The following H2BC5 variants were observed in gnomAD, a reference collection of about 807,000 sequenced individuals.
H2BC5 encodes the protein histone H2B type 1-D.
In H2BC5, 9 loss-of-function variants were observed where a neutral mutation model predicts 5.7. The observed-to-expected ratio is 1.57, with a 90% confidence interval of 0.95 to 2.74. The LOEUF (loss-of-function observed/expected upper bound fraction) is 2.74, where lower values mean the gene tolerates loss of function less well. H2BC5 is among the 30% of genes most tolerant of loss of function. H2BC5 has a pLI of 0.00. For missense variants in H2BC5, 175 were observed against 168.8 expected, an observed-to-expected ratio of 1.04 and a Z score of -0.20; for synonymous variants, 133 against 70.9, an observed-to-expected ratio of 1.88 and a Z score of -4.40.
intron 1 of H2BC5, chr6:26,164,235 C>A: frequency 2.8e-6 from 1 of 359,398 alleles, no homozygotes; most frequent in Non-Finnish European, 5.7e-6. Context: ...AGCAGACCTG[C>A]CACCATGATC....
At chr6:26,165,701 G>A (rs1435735002) in intron 1 of H2BC5, among the ~76,000 whole-genome samples, 1 of 152,150 alleles carries the variant, frequency 6.6e-6, no homozygotes, top group African/African-American at 2.4e-5. Context: ...AGGAGGCTCT[G>A]TCTCTCTTAA....
downstream of H2BC5, among the ~76,000 whole-genome samples, chr6:26,159,468 G>A (rs1387317143): frequency 2.0e-5 from 3 of 152,056 alleles, no homozygotes; most frequent in African/African-American, 7.2e-5. Context: ...CCTTCTGGCA[G>A]GATGTAGCTT....
At position 26,166,494 on chromosome 6, in the gene H2BC5, A is replaced by C. The variant is rs76558272; in HGVS notation, c.*10-4481A>C. ...CCACAGAAACTTCATTGTTTTTCCT[A>C]TGCTGCTTCTGGGGGCACAAAGAAG... On this transcript the variant is annotated intron_variant, in intron 1 of 1. Transcript: ENST00000289316. Among the ~76,000 whole-genome samples, 407 of 151,956 alleles carry C rather than the reference A, an allele frequency of 2.7e-3. 2 individuals carry two copies. Among genetic ancestry groups the C allele is most frequent in the East Asian group, 0.012 (62 of 5,152 alleles).
downstream of H2BC5, among the ~76,000 whole-genome samples, chr6:26,160,450 C>T (rs1026962424): frequency 3.3e-5 from 5 of 150,316 alleles, no homozygotes; most frequent in Non-Finnish European, 7.4e-5. Flanking sequence ...GCCTGTAATC[C>T]CAGCACTTCG....
intron 1 of H2BC5, among the ~76,000 whole-genome samples, chr6:26,167,005 T>G (rs1381933962): frequency 1.3e-5 from 2 of 151,394 alleles, no homozygotes; most frequent in Non-Finnish European, 2.9e-5. Context: ...CCGGCCTCTT[T>G]TTTTCTTTTC....
chr6:26,160,886 G>T (rs989213666), downstream of H2BC5: 9 of 137,294 alleles, frequency 6.6e-5, no homozygotes, highest in African/African-American at 2.4e-4. Flanking sequence ...AAAAAAAACA[G>T]ACTCGAATTG....
chr6:26,165,645 C>A (rs1764409846), intron 1 of H2BC5, among the ~76,000 whole-genome samples: 1 of 152,166 alleles, frequency 6.6e-6, no homozygotes, highest in African/African-American at 2.4e-5. Flanking sequence ...ACAGCTGAGG[C>A]TTGGAAATGT....
At chr6:26,167,693 T>C (rs1581436345) in intron 1 of H2BC5, among the ~76,000 whole-genome samples, 2 of 152,206 alleles carry the variant, frequency 1.3e-5, no homozygotes, top group Non-Finnish European at 1.5e-5. Flanking sequence ...TCCTCCCATG[T>C]TGAAGGGTCC....
rs374941447 is a variant in H2BC5 at position 26,158,221 on chromosome 6, G to C, written c.52G>C (p.Ala18Pro). The part of the protein sequence containing the change: ...APAPKKGSKK[A>P]VTKAQKKDGK... ...TGCCCCAAAGAAGGGCTCCAAGAAG[G>C]CGGTGACTAAGGCTCAGAAGAAGGA... Residue 18 changes from alanine (A) to proline (P), a missense_variant, in exon 1 of 1, where the codon GCG becomes CCG. Coordinates refer to ENST00000377777, the MANE Select transcript of H2BC5 (RefSeq NM_021063.4). The C allele has an allele frequency of 6.2e-7, 1 of 1,614,132 alleles. No homozygotes were observed. Among genetic ancestry groups the C allele is most frequent in the Non-Finnish European group, 8.5e-7 (1 of 1,180,060 alleles).
chr6:26,167,049 C>CTTTTTTTTTTTTTTCT (rs1764443357), intron 1 of H2BC5, among the ~76,000 whole-genome samples: 1 of 97,026 alleles, frequency 1.0e-5, no homozygotes, highest in Non-Finnish European at 1.9e-5. Flanking sequence ...TTTGTTTTCT[C>CTTTTTTTTTTTTTTCT]TTTTTTTTTT....
chr6:26,164,253 C>T, intron 1 of H2BC5: 1 of 332,406 alleles, frequency 3.0e-6, no homozygotes, highest in African/African-American at 2.2e-5. Context: ...ATCAGCCAGC[C>T]CTCTATACCA....
At chr6:26,167,049 CTTT>C (rs149341201) in intron 1 of H2BC5, among the ~76,000 whole-genome samples, 35 of 97,026 alleles carry the variant, frequency 3.6e-4, no homozygotes, top group Non-Finnish European at 4.5e-4. Flanking sequence ...TTTGTTTTCT[CTTT>C]TTTTTTTTTT....
rs139697089 is a variant in H2BC5 at position 26,166,692 on chromosome 6, C to CTTT, written c.*10-4260_*10-4258dup. ...CACGAGCAGAGGGGGATACTTTTGG[C>CTTT]TTTTTTTTTTTTTTTTTTTTTTTTT... On this transcript the variant is annotated intron_variant, in intron 1 of 1. Coordinates refer to the H2BC5 transcript ENST00000289316. Among the ~76,000 whole-genome samples, 34 of 90,154 alleles carry CTTT rather than the reference C, an allele frequency of 3.8e-4. 1 individual carries two copies. The highest frequency in any genetic ancestry group is 2.2e-3 in the East Asian group (7 of 3,200). The allele number at this position is 90,154 out of a possible 152,430, so 59.1% of individuals were successfully genotyped here. A position where few individuals can be genotyped will look rare whatever the true frequency, so the allele number is the denominator to read the frequency against.
intron 1 of H2BC5, among the ~76,000 whole-genome samples, chr6:26,168,637 C>G (rs1452835399): frequency 6.6e-6 from 1 of 152,048 alleles, no homozygotes; most frequent in East Asian, 1.9e-4. Context: ...TCACCTGGCT[C>G]TGATACCTTT....
chr6:26,164,074 C>A, intron 1 of H2BC5: 1 of 458,364 alleles, frequency 2.2e-6, no homozygotes, highest in Non-Finnish European at 4.5e-6. Context: ...GACATTGACC[C>A]CAACTGCAAA....
intron 1 of H2BC5, chr6:26,170,952 AC>A (rs1764506908): frequency 6.6e-6 from 1 of 152,180 alleles, no homozygotes; most frequent in Admixed American, 6.5e-5. Flanking sequence ...TAATAACTAA[AC>A]CCTTCTTATT....
At chr6:26,159,439 A>G (rs886759592), downstream of H2BC5, among the ~76,000 whole-genome samples, 1 of 152,010 alleles carries the variant, frequency 6.6e-6, no homozygotes, top group Non-Finnish European at 1.5e-5. Flanking sequence ...TGGAGGAGGT[A>G]GAAAGGGAAA....
downstream of H2BC5, chr6:26,163,477 C>T (rs577492947): frequency 6.6e-6 from 1 of 152,210 alleles, no homozygotes; most frequent in African/African-American, 2.4e-5. Flanking sequence ...CCGGGTCTTC[C>T]TTGAGGTTGA....
At chr6:26,169,609 G>C (rs929165749) in intron 1 of H2BC5, among the ~76,000 whole-genome samples, 4 of 152,040 alleles carry the variant, frequency 2.6e-5, no homozygotes, top group African/African-American at 9.7e-5. Context: ...AAATTGGGGA[G>C]AGCATGAGAA....
Sources: gnomAD v4.1 joint callset for allele counts (sites outside exome capture counted in the v4.1 genomes callset) on GRCh38, gnomAD v4.1.1 for gene constraint, MANE v1.5 for transcripts, NCBI Gene and HGNC (gene_info 2026-07-23, HGNC 2026-07-21) for gene names.